The following PRKN variants were observed in gnomAD, a reference collection of about 807,000 sequenced individuals.
PRKN encodes E3 ubiquitin-protein ligase parkin.
Under a neutral mutation model 59.5 loss-of-function variants are expected in PRKN, and 56 were observed. The ratio of observed to expected loss-of-function variants is 0.94; its 90% CI spans 0.76 to 1.18. PRKN has a LOEUF of 1.18. Among genes scored for constraint, PRKN ranks in the 50% most tolerant of loss-of-function variants. PRKN has a pLI of 0.00. For synonymous variants in PRKN, 250 were observed against 222.1 expected, an observed-to-expected ratio of 1.13 and a Z score of -1.12; for missense variants, 657 against 596.4, an observed-to-expected ratio of 1.10 and a Z score of -1.06.
chr6:161,898,663 T>G (rs1221785593), intron 6 of PRKN, among the ~76,000 whole-genome samples: 1 of 152,204 alleles, frequency 6.6e-6, no homozygotes, highest in Non-Finnish European at 1.5e-5. Context: ...GGCGAAGCTA[T>G]CTGGGTAGAC....
chr6:162,083,766 C>T (rs1024085895), intron 4 of PRKN, among the ~76,000 whole-genome samples: 7 of 151,932 alleles, frequency 4.6e-5, no homozygotes, highest in African/African-American at 1.5e-4. Context: ...AAACACAGTA[C>T]CCTTCATTCT....
chr6:161,614,183 G>A (rs1782604558), intron 7 of PRKN, among the ~76,000 whole-genome samples: 1 of 152,186 alleles, frequency 6.6e-6, no homozygotes, highest in Non-Finnish European at 1.5e-5. Flanking sequence ...GTCTCCAGGG[G>A]TGAGTTTGGA....
intron 6 of PRKN, among the ~76,000 whole-genome samples, chr6:161,864,051 G>T (rs1307181822): frequency 1.3e-5 from 2 of 152,268 alleles, no homozygotes; most frequent in Middle Eastern, 3.4e-3. Flanking sequence ...ACTGACCAGG[G>T]CAGTGGTTGC....
chr6:161,502,458 C>A lies in PRKN; in HGVS notation c.1083+46396G>T, dbSNP rs1365922954. Among the ~76,000 whole-genome samples the A allele has an allele frequency of 6.6e-6, 1 of 152,152 alleles. No individual in the cohort carries two copies. The highest frequency in any genetic ancestry group is 2.4e-5 in the African/African-American group (1 of 41,430). ...GGGAAATTAGCAAGGTTTCCCAGCA[C>A]CCCAAGCTACTTGCCTTCCCACCCC... On this transcript the variant is annotated intron_variant, in intron 9 of 11. Transcript: ENST00000366898. The surrounding 1 kb of genome is among the most constrained non-coding windows in gnomAD (Gnocchi z 4.0).
intron 6 of PRKN, among the ~76,000 whole-genome samples, chr6:161,814,416 G>T (rs1791683171): frequency 3.3e-5 from 5 of 152,178 alleles, no homozygotes. Context: ...TGGCTAAGGA[G>T]GCCTCACAAT....
At chr6:162,184,368 C>T (rs971950187) in intron 4 of PRKN, among the ~76,000 whole-genome samples, 1 of 152,160 alleles carries the variant, frequency 6.6e-6, no homozygotes, top group Non-Finnish European at 1.5e-5. Flanking sequence ...TTGGCTGTGT[C>T]CCCACCCAAT....
intron 6 of PRKN, among the ~76,000 whole-genome samples, chr6:161,927,773 T>TAA (rs933418797): frequency 6.9e-6 from 1 of 143,982 alleles, no homozygotes; most frequent in Non-Finnish European, 1.5e-5. Flanking sequence ...AAACTCTGTT[T>TAA]AAAAAAAAAA....
chr6:162,585,026 G>C (rs906559174), intron 1 of PRKN, among the ~76,000 whole-genome samples: 1 of 150,200 alleles, frequency 6.7e-6, no homozygotes, highest in East Asian at 2.0e-4. Context: ...TCAGCCTCCC[G>C]AGTAGCTGAG....
chr6:161,539,283 G>A (rs1381125606), intron 9 of PRKN, among the ~76,000 whole-genome samples: 1 of 152,146 alleles, frequency 6.6e-6, no homozygotes. Context: ...CCTATTTTGC[G>A]AAGGTAAATT....
chr6:162,316,898 A>G (rs763190111), intron 2 of PRKN, among the ~76,000 whole-genome samples: 4 of 152,168 alleles, frequency 2.6e-5, no homozygotes, highest in African/African-American at 9.7e-5. Context: ...AAAAAACAGT[A>G]AAGATTATAG....
At chr6:162,528,613 CATTACTA>C (rs1290743378) in intron 1 of PRKN, among the ~76,000 whole-genome samples, 1 of 151,998 alleles carries the variant, frequency 6.6e-6, no homozygotes, top group Non-Finnish European at 1.5e-5. Context: ...GAAGCTAAGA[CATTACTA>C]ATTAAATGCA....
chr6:161,919,585 T>C (rs1392477726), intron 6 of PRKN, among the ~76,000 whole-genome samples: 8 of 152,344 alleles, frequency 5.3e-5, no homozygotes, highest in African/African-American at 1.9e-4. Flanking sequence ...GTTCCTGTTA[T>C]AGGATCTTAC....
chr6:161,721,698 G>A lies in PRKN; in HGVS notation c.871+64074C>T, dbSNP rs549412387. Among the ~76,000 whole-genome samples the A allele has an allele frequency of 4.1e-4, 63 of 152,234 alleles. 1 individual carries two copies. In the South Asian group the frequency reaches 8.1e-3, roughly 20 times the overall value. On this transcript the variant is annotated intron_variant, in intron 7 of 11. Transcript: ENST00000366898. ...CGTGCTGGGGCTGCGTGGATGGCCC[G>A]TCAGCCACGCCACCCACCGTGATCT...
At chr6:162,061,508 G>A (rs1778104463) in intron 4 of PRKN, among the ~76,000 whole-genome samples, 1 of 152,074 alleles carries the variant, frequency 6.6e-6, no homozygotes, top group African/African-American at 2.4e-5. Flanking sequence ...GCCCTCCCCA[G>A]GATCATGTCA....
intron 1 of PRKN, among the ~76,000 whole-genome samples, chr6:162,676,116 A>G (rs1225719591): frequency 7.2e-5 from 11 of 152,232 alleles, no homozygotes; most frequent in African/African-American, 2.7e-4. Context: ...AGAGGAAGAC[A>G]CTAGTAACAG....
At chr6:161,717,851 C>T (rs193096133) in intron 7 of PRKN, among the ~76,000 whole-genome samples, 3 of 152,194 alleles carry the variant, frequency 2.0e-5, no homozygotes, top group East Asian at 1.9e-4. Flanking sequence ...GCTTCCATCC[C>T]GCTGTGCTCA....
At chr6:161,389,322 G>T (rs1786405007) in intron 9 of PRKN, among the ~76,000 whole-genome samples, 1 of 152,132 alleles carries the variant, frequency 6.6e-6, no homozygotes, top group South Asian at 2.1e-4. Flanking sequence ...AAAAGGAAAA[G>T]CATTTTATAA....
At chr6:162,379,827 A>T (rs1400158941) in intron 2 of PRKN, among the ~76,000 whole-genome samples, 1 of 152,210 alleles carries the variant, frequency 6.6e-6, no homozygotes, top group Admixed American at 6.5e-5. Flanking sequence ...ATTTGGATTC[A>T]ATTTAGTAGC....
intron 9 of PRKN, among the ~76,000 whole-genome samples, chr6:161,408,519 T>C (rs1315690125): frequency 1.3e-4 from 19 of 151,218 alleles, no homozygotes; most frequent in Admixed American, 1.2e-3. Context: ...ACTGACATTG[T>C]CTAATGAGTA....
Sources: gnomAD v4.1 joint callset for allele counts (sites outside exome capture counted in the v4.1 genomes callset) on GRCh38, gnomAD v4.1.1 for gene constraint, Gnocchi (gnomAD v3.1) non-coding constraint, MANE v1.5 for transcripts, NCBI Gene and HGNC (gene_info 2026-07-23, HGNC 2026-07-21) for gene names.